The following SEL1L3 variants were observed in gnomAD, a reference collection of about 807,000 sequenced individuals.
The protein encoded by SEL1L3 is SEL1L family member 3, also known as protein sel-1 homolog 3.
Under a neutral mutation model 142.8 loss-of-function variants are expected in SEL1L3, and 76 were observed. The observed-to-expected ratio is 0.53, with a 90% CI of 0.44 to 0.64. SEL1L3 has a LOEUF of 0.64. Ranked by LOEUF, SEL1L3 falls within the 30% of genes least tolerant of loss-of-function variation. SEL1L3 has a pLI of 0.00. For synonymous variants in SEL1L3, 504 were observed against 519.6 expected (o/e 0.97, Z 0.41); for missense variants, 1,262 against 1,381.7 (o/e 0.91, Z 1.37).
the SEL1L3 span, among the ~76,000 whole-genome samples, chr4:25,740,555 G>T: frequency 6.6e-6 from 1 of 152,010 alleles, no homozygotes; most frequent in Non-Finnish European, 1.5e-5. Flanking sequence ...GCTCCAGCTT[G>T]CTCTCTCAAA....
At chr4:25,726,228 T>TAAATAAGA in the SEL1L3 span, among the ~76,000 whole-genome samples, 1 of 146,272 alleles carries the variant, frequency 6.8e-6, no homozygotes. Context: ...CATCTTGGGT[T>TAAATAAGA]AAAAAAAAAA....
chr4:25,754,351 C>CTTTT (rs34663888), intron 23 of SEL1L3, among the ~76,000 whole-genome samples: 1 of 142,652 alleles, frequency 7.0e-6, no homozygotes, highest in Non-Finnish European at 1.5e-5. Flanking sequence ...TTATTGACAA[C>CTTTT]TTTTTTTTTT....
intron 1 of SEL1L3, among the ~76,000 whole-genome samples, chr4:25,855,747 C>A (rs770088270): frequency 6.6e-6 from 1 of 151,478 alleles, no homozygotes. Flanking sequence ...GACAACAGAG[C>A]GAGATTCCGT....
At chr4:25,845,024 A>T (rs1716418234) in intron 2 of SEL1L3, among the ~76,000 whole-genome samples, 1 of 148,458 alleles carries the variant, frequency 6.7e-6, no homozygotes. Context: ...GTAGGTTAAA[A>T]TTGTATAGAT....
intron 2 of SEL1L3, among the ~76,000 whole-genome samples, chr4:25,843,517 G>T (rs1716305973): frequency 6.6e-6 from 1 of 152,186 alleles, no homozygotes; most frequent in South Asian, 2.1e-4. Flanking sequence ...TGGCCTGCAT[G>T]GCTGATTCCT....
the SEL1L3 span, among the ~76,000 whole-genome samples, chr4:25,722,584 G>C: frequency 6.7e-6 from 1 of 148,928 alleles, no homozygotes; most frequent in African/African-American, 2.5e-5. Flanking sequence ...ACACCATTTC[G>C]ATCATAAGAG....
rs769364921 is a variant in SEL1L3, at chr4:25,788,345, A to G, written c.2096T>C (p.Leu699Pro). The change falls in exon 13 of 24, where the codon CTG becomes CCG. Residue 699 changes from leucine (L) to proline (P), a missense_variant. Coordinates refer to ENST00000399878, the MANE Select transcript of SEL1L3 (RefSeq NM_015187.5). This position sits in a 1 kb window ranked among gnomAD's most constrained non-coding sequence, Gnocchi z 5.3. ...GGCCACACCTTGCTGCCCCCAGAAC[A>G]GCATCTGGGCCAATCGTTGCTTAAA... ...AAAQQRLAQM[L>P]FWGQQGVAKN... 1.2e-6 allele frequency: 2 copies of G among 1,613,966 alleles called. No homozygotes were observed. Among genetic ancestry groups the G allele is most frequent in the South Asian group, 2.2e-5 (2 of 91,074 alleles).
chr4:25,759,059 T>TA lies in SEL1L3; in HGVS notation c.2964dup (p.Asn989Ter), dbSNP rs1718199296. ...CCTTCCTCGATTAGCAGGGCCAGGT[T>TA]AAAAAATCCCTAAAAACAAGCCACA... is the stretch of plus-strand genomic sequence containing the variant. On this transcript the variant is annotated frameshift_variant, in exon 21 of 24. Transcript: ENST00000399878. LOFTEE classifies it high-confidence loss of function. The TA allele has an allele frequency of 1.2e-6, 2 of 1,612,818 alleles. No individual in the cohort carries two copies. Among genetic ancestry groups the TA allele is most frequent in the Non-Finnish European group, 1.7e-6 (2 of 1,179,574 alleles).
the SEL1L3 span, among the ~76,000 whole-genome samples, chr4:25,734,145 T>C: frequency 1.3e-5 from 2 of 152,262 alleles, no homozygotes; most frequent in Middle Eastern, 6.8e-3. Context: ...TGCCTCAGCC[T>C]CCAGAGTAGC....
At chr4:25,851,091 T>C (rs996184479) in intron 1 of SEL1L3, among the ~76,000 whole-genome samples, 3 of 152,146 alleles carry the variant, frequency 2.0e-5, no homozygotes, top group African/African-American at 7.2e-5. Context: ...CCTCAAGTAA[T>C]CCACCCACTT....
intron 2 of SEL1L3, among the ~76,000 whole-genome samples, chr4:25,837,697 G>T (rs902968342): frequency 6.6e-6 from 1 of 152,094 alleles, no homozygotes; most frequent in Admixed American, 6.5e-5. Context: ...ATTACAATTA[G>T]AGGTAATGAA....
In SEL1L3 at chr4:25,788,296, C is replaced by T. The variant is rs765015964; in HGVS notation, c.2145G>A (p.Glu715=). Residue 715 remains glutamate (E), a synonymous_variant, in exon 13 of 24, where the codon GAG becomes GAA. Coordinates refer to ENST00000399878, the MANE Select transcript of SEL1L3 (RefSeq NM_015187.5). The surrounding 1 kb of genome is among the most constrained non-coding windows in gnomAD (Gnocchi z 5.3). ...GVAKNPEAAI[E]WYAKGALETE... is the part of the protein sequence containing the mutation. ...TCTCCAGGGCGCCCTTGGCGTACCA[C>T]TCAATTGCTGCTTCGGGATTCTTGG... 7.4e-6 allele frequency: 12 copies of T among 1,613,960 alleles called. No individual in the cohort carries two copies. The East Asian group carries it at 2.2e-4, about 30-fold the overall frequency.
At chr4:25,776,521 A>C in intron 16 of SEL1L3, 161 bp from the exon 17 acceptor site, 1 of 583,506 alleles carries the variant, frequency 1.7e-6, no homozygotes, top group Non-Finnish European at 3.1e-6. Flanking sequence ...AAGAAAATGC[A>C]TTCTGAGAGC....
At chr4:25,854,453 T>C (rs151005363) in intron 1 of SEL1L3, among the ~76,000 whole-genome samples, 1 of 152,202 alleles carries the variant, frequency 6.6e-6, no homozygotes, top group African/African-American at 2.4e-5. Context: ...AATTTTTATA[T>C]TTTTAGTAGA....
rs182431750 is a variant in SEL1L3, at chr4:25,788,241, C to A, written c.2200G>T (p.Ala734Ser). The A allele has an allele frequency of 1.3e-5, 21 of 1,613,784 alleles. No individual in the cohort carries two copies. The Admixed American group carries it at 2.7e-4, about 20-fold the overall frequency. The change falls in exon 13 of 24, where the codon GCC becomes TCC. Residue 734 changes from alanine (A) to serine (S), a missense_variant. Physicochemically the swap from Ala to Ser is moderately conservative, Grantham distance 99. This residue lies in a region of SEL1L3 where 435 missense variants were observed against 559.2 expected (regional missense o/e 0.78). Coordinates refer to ENST00000399878, the MANE Select transcript of SEL1L3 (RefSeq NM_015187.5). This position sits in a 1 kb window ranked among gnomAD's most constrained non-coding sequence, Gnocchi z 5.3. ...TEDPALIYDY[A>S]IVLFKGQGVK... ...ATTCTTACCTTGAATAGCACAATGGCATAGTCATAGATTAACGCAGGATCC... is the reference window on the plus strand; with the variant it reads ...ATTCTTACCTTGAATAGCACAATGGAATAGTCATAGATTAACGCAGGATCC...
At chr4:25,722,787 C>T in the SEL1L3 span, among the ~76,000 whole-genome samples, 3 of 151,980 alleles carry the variant, frequency 2.0e-5, no homozygotes, top group African/African-American at 7.3e-5. Flanking sequence ...CCTGTTTACT[C>T]AGTAGTCAGA....
chr4:25,832,973 G>A, intron 5 of SEL1L3, 22 bp downstream of exon 5: 1 of 1,345,502 alleles, frequency 7.4e-7, no homozygotes, highest in Non-Finnish European at 1.1e-6. Context: ...TATGTCGTGT[G>A]ATGAAGCGTG....
intron 1 of SEL1L3, among the ~76,000 whole-genome samples, chr4:25,849,968 G>A (rs970287909): frequency 1.3e-5 from 2 of 152,146 alleles, no homozygotes; most frequent in Non-Finnish European, 2.9e-5. Flanking sequence ...TGGAAGAAAC[G>A]GTATCTCAGT....
chr4:25,736,599 G>A, the SEL1L3 span, among the ~76,000 whole-genome samples: 2 of 152,112 alleles, frequency 1.3e-5, no homozygotes, highest in Non-Finnish European at 2.9e-5. Flanking sequence ...AGCGTTCCAT[G>A]TAACCTTGAA....
Sources: allele counts gnomAD v4.1 joint callset (sites outside exome capture counted in the v4.1 genomes callset), GRCh38; gene constraint gnomAD v4.1.1; regional missense constraint gnomAD v4.1.1; non-coding constraint Gnocchi (gnomAD v3.1); transcripts MANE v1.5; gene names NCBI Gene and HGNC (gene_info 2026-07-23, HGNC 2026-07-21).